LNX2: variants seen among roughly 807,000 people sequenced by gnomAD.
The protein encoded by LNX2 is ligand of numb-protein X 2.
LNX2 carries 35 observed loss-of-function variants against 66.2 expected under a neutral mutation model. The observed-to-expected ratio is 0.53, with a 90% CI of 0.40 to 0.70. The LOEUF (loss-of-function observed/expected upper bound fraction) is 0.70. Ranked by LOEUF, LNX2 falls within the 30% of genes least tolerant of loss-of-function variation. LNX2 has a pLI of 0.00. For synonymous variants in LNX2, 337 were observed against 315.6 expected, an observed-to-expected ratio of 1.07 and a Z score of -0.72; for missense variants, 791 against 850.8, an observed-to-expected ratio of 0.93 and a Z score of 0.87.
chr13:27,560,565 G>GTATATATATATATATAGATATATA, intron 5 of LNX2, among the ~76,000 whole-genome samples: 1 of 120,014 alleles, frequency 8.3e-6, no homozygotes, highest in Non-Finnish European at 1.7e-5. Context: ...ATGTATGTGT[G>GTATATATATATATATAGATATATA]TATATATATA....
At chr13:27,601,738 G>C (rs1454027349) in intron 1 of LNX2, among the ~76,000 whole-genome samples, 1 of 152,098 alleles carries the variant, frequency 6.6e-6, no homozygotes, top group Non-Finnish European at 1.5e-5. Context: ...CTAGGGTGGA[G>C]TGTAGTGCCA....
intron 1 of LNX2, 21 bp from the exon 2 acceptor site, chr13:27,581,824 C>T (rs1955401552): frequency 8.6e-6 from 6 of 698,800 alleles, no homozygotes; most frequent in Non-Finnish European, 1.4e-5. Flanking sequence ...AAAACAAACA[C>T]ATTAAAAAAG....
At chr13:27,598,892 C>G (rs115483089) in intron 1 of LNX2, among the ~76,000 whole-genome samples, 61 of 152,186 alleles carry the variant, frequency 4.0e-4, no homozygotes, top group African/African-American at 1.2e-3. Flanking sequence ...GGAAGTTACC[C>G]TCTATTGTTA....
At chr13:27,580,990 C>G (rs1566123638) in intron 2 of LNX2, among the ~76,000 whole-genome samples, 1 of 152,186 alleles carries the variant, frequency 6.6e-6, no homozygotes, top group Non-Finnish European at 1.5e-5. Flanking sequence ...AACTGCCAAA[C>G]TGCTTTATAG....
At chr13:27,552,004 C>A (rs1472730732) in intron 8 of LNX2, among the ~76,000 whole-genome samples, 1 of 152,138 alleles carries the variant, frequency 6.6e-6, no homozygotes, top group Non-Finnish European at 1.5e-5. Flanking sequence ...TCAACAGAGA[C>A]CTCCATACAC....
chr13:27,561,581 T>C (rs1486769242), intron 5 of LNX2, among the ~76,000 whole-genome samples: 1 of 152,256 alleles, frequency 6.6e-6, no homozygotes, highest in East Asian at 1.9e-4. Context: ...GAGTTGAGAC[T>C]TGAATTTTCT....
rs35007288 is a variant in LNX2, at chr13:27,560,565, G to GTGTGTATGTGTGTATATATATATA, written c.1225-581_1225-580insTATATATATATACACACATACACA. ...ATAACAAGACTTTATATGTATGTGTGTATATATATATATATATATAGCATA... is the reference window on the plus strand; with the variant it reads ...ATAACAAGACTTTATATGTATGTGTGTGTGTATGTGTGTATATATATATATATATATATATATATATATAGCATA... On this transcript the variant is annotated intron_variant, in intron 5 of 9. Transcript: ENST00000316334. Among the ~76,000 whole-genome samples the GTGTGTATGTGTGTATATATATATA allele has an allele frequency of 1.1e-4, 13 of 120,014 alleles. No individual in the cohort carries two copies. The East Asian group carries it at 1.1e-3, about 10-fold the overall frequency. The allele number at this position is 120,014 out of a possible 152,430, so 78.7% of individuals were successfully genotyped here.
chr13:27,597,968 T>C (rs977514967), intron 1 of LNX2, among the ~76,000 whole-genome samples: 2 of 152,170 alleles, frequency 1.3e-5, no homozygotes, highest in Non-Finnish European at 2.9e-5. Context: ...CAAAATTTGA[T>C]AATCCATTTA....
At chr13:27,613,798 A>G (rs1955798773) in intron 1 of LNX2, among the ~76,000 whole-genome samples, 2 of 152,132 alleles carry the variant, frequency 1.3e-5, no homozygotes, top group Non-Finnish European at 2.9e-5. Flanking sequence ...ATAAAAATAC[A>G]GGCGAAGCAA....
intron 8 of LNX2, 140 bp downstream of exon 8, chr13:27,553,068 G>T: frequency 1.5e-6 from 1 of 670,576 alleles, no homozygotes; most frequent in Non-Finnish European, 2.6e-6. Flanking sequence ...CTTTTCTTTT[G>T]TAATTTGATT....
At chr13:27,552,592 C>A (rs1344981560) in intron 8 of LNX2, among the ~76,000 whole-genome samples, 1 of 152,106 alleles carries the variant, frequency 6.6e-6, no homozygotes, top group East Asian at 1.9e-4. Context: ...TGTCAAACAA[C>A]AACCGCGGAA....
At chr13:27,597,165 A>C (rs1380024046) in intron 1 of LNX2, among the ~76,000 whole-genome samples, 1 of 152,218 alleles carries the variant, frequency 6.6e-6, no homozygotes, top group African/African-American at 2.4e-5. Flanking sequence ...GGCTAACTTC[A>C]TTGAAACCAT....
intron 2 of LNX2, among the ~76,000 whole-genome samples, chr13:27,575,050 T>C (rs2138377195): frequency 6.6e-6 from 1 of 152,322 alleles, no homozygotes; most frequent in East Asian, 1.9e-4. Flanking sequence ...ATGCTTAACC[T>C]GCAAGAAACA....
chr13:27,607,239 TG>T (rs967749993), intron 1 of LNX2, among the ~76,000 whole-genome samples: 11 of 152,336 alleles, frequency 7.2e-5, no homozygotes, highest in African/African-American at 2.6e-4. Flanking sequence ...TAGACAAATT[TG>T]TGTTTTCTTG....
intron 1 of LNX2, among the ~76,000 whole-genome samples, chr13:27,591,973 A>C (rs1287147894): frequency 6.6e-6 from 1 of 152,218 alleles, no homozygotes; most frequent in Non-Finnish European, 1.5e-5. Context: ...TGAAACAATA[A>C]GTACAATGGC....
At chr13:27,560,771 C>T (rs983973911) in intron 5 of LNX2, among the ~76,000 whole-genome samples, 1 of 151,884 alleles carries the variant, frequency 6.6e-6, no homozygotes, top group African/African-American at 2.4e-5. Flanking sequence ...GATGCTGACT[C>T]TTGGTCATGA....
intron 7 of LNX2, among the ~76,000 whole-genome samples, chr13:27,554,635 C>G (rs1166436901): frequency 6.6e-6 from 1 of 152,186 alleles, no homozygotes; most frequent in Non-Finnish European, 1.5e-5. Context: ...CATTCCTCAG[C>G]TGATGGACAT....
chr13:27,604,911 G>GA (rs1464050990), intron 1 of LNX2, among the ~76,000 whole-genome samples: 1 of 150,510 alleles, frequency 6.6e-6, no homozygotes. Context: ...TTTAATGGGG[G>GA]AAAAACAGAC....
intron 4 of LNX2, among the ~76,000 whole-genome samples, chr13:27,564,196 T>C (rs1011140439): frequency 6.6e-5 from 10 of 152,172 alleles, no homozygotes; most frequent in African/African-American, 2.4e-4. Context: ...CCTCATAACA[T>C]CTTTGTGAAG....
Sources: allele counts gnomAD v4.1 joint callset (sites outside exome capture counted in the v4.1 genomes callset), GRCh38; gene constraint gnomAD v4.1.1; transcripts MANE v1.5; gene names NCBI Gene and HGNC (gene_info 2026-07-23, HGNC 2026-07-21).